The following TMED9 variants were observed in gnomAD, a reference collection of about 807,000 sequenced individuals.
TMED9 encodes the protein transmembrane emp24 domain-containing protein 9.
Under a neutral mutation model 30.6 loss-of-function variants are expected in TMED9, and 22 were observed. That is an observed-to-expected ratio of 0.72 (90% confidence interval 0.51 to 1.03). TMED9 has a LOEUF of 1.03. Among genes scored for constraint, TMED9 ranks in the 50% least tolerant of loss-of-function variants. The pLI is 0.00. For missense variants in TMED9, 251 were observed against 302.1 expected, an observed-to-expected ratio of 0.83 and a Z score of 1.25; for synonymous variants, 146 against 122.8, an observed-to-expected ratio of 1.19 and a Z score of -1.25.
chr5:177,592,437 A>G, intron 1 of TMED9, 39 bp downstream of exon 1: 1 of 1,569,210 alleles, frequency 6.4e-7, no homozygotes, highest in Non-Finnish European at 8.7e-7. Flanking sequence ...TTGGAACGTG[A>G]CCGTGGTCTT....
intron 2 of TMED9, 46 bp from the exon 3 acceptor site, chr5:177,593,604 C>T (rs1025431685): frequency 1.9e-6 from 3 of 1,611,458 alleles, no homozygotes; most frequent in Non-Finnish European, 2.5e-6. Flanking sequence ...TTCCTCCATT[C>T]CCATCCCTAC....
Position 177,594,271 on chromosome 5 carries a change from C to T in TMED9, c.544C>T (p.Gln182Ter). The T allele has an allele frequency of 2.5e-6, 4 of 1,614,082 alleles. No homozygotes were observed. The highest frequency in any genetic ancestry group is 3.4e-6 in the Non-Finnish European group (4 of 1,179,990). Residue 182 changes from glutamine (Q) to a stop codon, truncating the protein, a stop_gained, in exon 4 of 5, where the codon CAG (glutamine) becomes TAG (stop). Transcript: ENST00000332598. LOFTEE classifies it high-confidence loss of function. ...VEQVEQIQKEQNYQRWREERF... is the reference protein window; with the variant it reads ...VEQVEQIQKE ...ACAAGTGGAGCAGATCCAGAAAGAG[C>T]AGAACTACCAGCGGGTGAGTGACTG...
chr5:177,594,403 T>C, intron 4 of TMED9, 118 bp downstream of exon 4: 2 of 1,255,420 alleles, frequency 1.6e-6, no homozygotes, highest in Non-Finnish European at 2.2e-6. Flanking sequence ...CACTGCATTG[T>C]AGGTCGTGGG....
Position 177,596,385 on chromosome 5 carries a change from A to G in TMED9, c.*969A>G, listed in dbSNP as rs1452015473. On this transcript the variant is annotated 3_prime_UTR_variant, in exon 5 of 5. Coordinates refer to ENST00000332598, the MANE Select transcript of TMED9 (RefSeq NM_017510.6). ...GAAGTTCCCTCTTTCTAGAGTCAGTAAGCAGGATTGTCATGGATGCTGCCA... is the reference window on the plus strand; with the variant it reads ...GAAGTTCCCTCTTTCTAGAGTCAGTGAGCAGGATTGTCATGGATGCTGCCA... Among the ~76,000 whole-genome samples, 1 of 152,140 alleles carries G rather than the reference A, an allele frequency of 6.6e-6. No individual in the cohort carries two copies.
chr5:177,592,448 G>A, intron 1 of TMED9, 50 bp downstream of exon 1: 3 of 1,562,266 alleles, frequency 1.9e-6, no homozygotes, highest in Non-Finnish European at 2.6e-6. Flanking sequence ...CCGTGGTCTT[G>A]GGGCGGGGGA....
At chr5:177,593,942 A>G (rs1767637800) in intron 3 of TMED9, 167 bp downstream of exon 3, 1 of 1,205,200 alleles carries the variant, frequency 8.3e-7, no homozygotes, top group African/African-American at 1.5e-5. Context: ...CTCTTTGTAC[A>G]TGCCTCACTC....
intron 4 of TMED9, among the ~76,000 whole-genome samples, chr5:177,594,564 C>T (rs1767650592): frequency 6.6e-6 from 1 of 152,106 alleles, no homozygotes; most frequent in Non-Finnish European, 1.5e-5. Flanking sequence ...GCTCCCAGGA[C>T]CAGGGTCTCA....
intron 1 of TMED9, 60 bp downstream of exon 1, chr5:177,592,458 A>T (rs1448120452): frequency 1.7e-5 from 27 of 1,555,900 alleles, no homozygotes; most frequent in Non-Finnish European, 2.4e-5. Context: ...GGGGCGGGGG[A>T]TGCGAGACAG....
rs1407135078 is a variant in TMED9, at chr5:177,592,377, C to G, written c.163C>G (p.Pro55Ala). The G allele has an allele frequency of 1.0e-5, 16 of 1,601,728 alleles. No homozygotes were observed. The highest frequency in any genetic ancestry group is 1.3e-5 in the Non-Finnish European group (15 of 1,174,212). The part of the protein sequence containing the change: ...TEKKCFIEEI[P>A]DETMVIGNYR... ...GAAGAAGTGCTTTATTGAGGAGATC[C>G]CGGACGAGACCATGGTCATAGGTGC... Residue 55 changes from proline to alanine, a missense_variant, in exon 1 of 5, where the codon CCG becomes GCG. By Grantham distance (27) the Pro-to-Ala change is conservative. Transcript: ENST00000332598.
chr5:177,593,213 A>G (rs1292011239), intron 2 of TMED9: 1 of 164,240 alleles, frequency 6.1e-6, no homozygotes, highest in Admixed American at 6.0e-5. Flanking sequence ...CTAATACCAG[A>G]TACTTGGGAG....
In TMED9 at chr5:177,592,519, C is replaced by A; in HGVS notation, c.185-56C>A. ...CGGCCTCGCCGTGCCCAGGCGGTCG[C>A]GGAACCCATGCCACCTCGCGCTCCT... is the stretch of plus-strand genomic sequence containing the variant. On this transcript the variant is annotated intron_variant, in intron 1 of 4. Transcript: ENST00000332598. The A allele has an allele frequency of 1.9e-6, 3 of 1,572,584 alleles. No homozygotes were observed. The Admixed American group carries it at 5.4e-5, about 28-fold the overall frequency.
At chr5:177,592,478 T>C in intron 1 of TMED9, 80 bp downstream of exon 1, 1 of 1,555,874 alleles carries the variant, frequency 6.4e-7, no homozygotes, top group South Asian at 1.2e-5. Context: ...GTCAGCTCTC[T>C]AGAGCCGGGA....
rs145395803 is a variant in TMED9 at position 177,595,480 on chromosome 5, T to A, written c.*64T>A. ...GAGAAAGGACCTCCTGGAACTGACT[T>A]CTTCTGTCAGGAGGACTGGTTTCCA... is the stretch of plus-strand genomic sequence containing the variant. On this transcript the variant is annotated 3_prime_UTR_variant, in exon 5 of 5. Coordinates refer to ENST00000332598, the MANE Select transcript of TMED9 (RefSeq NM_017510.6). The A allele has an allele frequency of 2.4e-5, 36 of 1,531,802 alleles. No individual in the cohort carries two copies. The South Asian group carries it at 3.3e-4, about 14-fold the overall frequency. 94.9% of individuals were successfully genotyped at this position (1,531,802 alleles called of 1,614,324 possible). A position where few individuals can be genotyped will look rare whatever the true frequency, so the allele number is the denominator to read the frequency against.
Position 177,594,301 on chromosome 5 carries a change from G to C in TMED9, c.558+16G>C. The C allele has an allele frequency of 1.2e-6, 2 of 1,612,636 alleles. No homozygotes were observed. Among genetic ancestry groups the C allele is most frequent in the South Asian group, 2.2e-5 (2 of 90,892 alleles). On this transcript the variant is annotated intron_variant, in intron 4 of 4. Coordinates refer to ENST00000332598, the MANE Select transcript of TMED9 (RefSeq NM_017510.6). ...CTACCAGCGGGTGAGTGACTGGGCC[G>C]GGAGCAGTGGGCTTCTCCCTAGAAG...
Position 177,592,305 on chromosome 5 carries a change from C to A in TMED9, c.91C>A (p.Leu31Met). The change falls in exon 1 of 5, where the codon CTG becomes ATG. Residue 31 changes from leucine (L) to methionine (M), a missense_variant. Leu to Met is a conservative substitution (Grantham distance 15, BLOSUM62 2). This residue lies in a region of TMED9 where 98 missense variants were observed against 62.5 expected (regional missense o/e 1.57). Transcript: ENST00000332598. ...VMRTLLLVLW[L>M]ATRGSALYFH... is the part of the protein sequence containing the mutation. ...GCGGACCCTCCTGCTGGTGCTGTGG[C>A]TGGCGACGCGCGGAAGCGCGCTCTA... The A allele has an allele frequency of 6.2e-7, 1 of 1,608,718 alleles. No homozygotes were observed. Among genetic ancestry groups the A allele is most frequent in the Non-Finnish European group, 8.5e-7 (1 of 1,177,710 alleles).
intron 3 of TMED9, 173 bp from the exon 4 acceptor site, chr5:177,593,966 A>G: frequency 8.5e-7 from 1 of 1,179,220 alleles, no homozygotes; most frequent in Non-Finnish European, 1.2e-6. Flanking sequence ...GCACCAGCCC[A>G]GGCTTAATAC....
Position 177,595,507 on chromosome 5 carries a change from C to G in TMED9, c.*91C>G, listed in dbSNP as rs1767672992. ...TTCTGTCAGGAGGACTGGTTTCCAG[C>G]CATACCTGTTCTGGAAGGGAGAGGG... On this transcript the variant is annotated 3_prime_UTR_variant, in exon 5 of 5. Coordinates refer to ENST00000332598, the MANE Select transcript of TMED9 (RefSeq NM_017510.6). 3 of 1,472,096 alleles carry G rather than the reference C, an allele frequency of 2.0e-6. No individual in the cohort carries two copies. The East Asian group carries it at 7.1e-5, about 35-fold the overall frequency. The allele number at this position is 1,472,096 out of a possible 1,614,324, so 91.2% of individuals were successfully genotyped here. A position where few individuals can be genotyped will look rare whatever the true frequency, so the allele number is the denominator to read the frequency against.
intron 4 of TMED9, among the ~76,000 whole-genome samples, chr5:177,594,813 C>T (rs967266760): frequency 6.6e-6 from 1 of 152,112 alleles, no homozygotes; most frequent in Non-Finnish European, 1.5e-5. Context: ...CACAAATTAC[C>T]TGTGTTTTAA....
At position 177,592,375 on chromosome 5, in the gene TMED9, TC is replaced by T. The variant is rs1170311781; in HGVS notation, c.164del (p.Pro55ArgfsTer7). On this transcript the variant is annotated frameshift_variant, in exon 1 of 5. Transcript: ENST00000332598. LOFTEE classifies it high-confidence loss of function. The part of the protein sequence containing the change: ...ETEKKCFIEE[I>X]PDETMVIGNY... ...GAGAAGAAGTGCTTTATTGAGGAGA[TC>T]CCGGACGAGACCATGGTCATAGGTG... is the stretch of plus-strand genomic sequence containing the variant. 3 of 1,602,648 alleles carry T rather than the reference TC, an allele frequency of 1.9e-6. No homozygotes were observed. Among genetic ancestry groups the T allele is most frequent in the Non-Finnish European group, 2.6e-6 (3 of 1,174,764 alleles).
Sources: allele counts gnomAD v4.1 joint callset (sites outside exome capture counted in the v4.1 genomes callset), GRCh38; gene constraint gnomAD v4.1.1; regional missense constraint gnomAD v4.1.1; transcripts MANE v1.5; gene names NCBI Gene and HGNC (gene_info 2026-07-23, HGNC 2026-07-21).